Variants in LRTM3 observed in about 807,000 individuals in gnomAD.
The protein encoded by LRTM3 is leucine-rich repeat transmembrane protein 3.
chr13:102,738,098 G>A, the LRTM3 span: 1 of 1,550,630 alleles, frequency 6.4e-7, no homozygotes, highest in Middle Eastern at 1.7e-4. Context: ...TTGCTCCTGA[G>A]CTTCTTGATC....
At chr13:102,734,894 T>C in the LRTM3 span, 3 of 1,551,126 alleles carry the variant, frequency 1.9e-6, no homozygotes, top group Non-Finnish European at 2.6e-6. Flanking sequence ...TTCCTTGTTC[T>C]GTGACACATG....
the LRTM3 span, chr13:102,737,719 A>G: frequency 6.5e-7 from 1 of 1,549,732 alleles, no homozygotes; most frequent in Non-Finnish European, 8.7e-7. Context: ...TTTGTACTTC[A>G]CTTGCGCTAT....
chr13:102,736,766 C>A, the LRTM3 span: 1 of 1,550,950 alleles, frequency 6.4e-7, no homozygotes, highest in Admixed American at 2.0e-5. Flanking sequence ...ATGCATTACA[C>A]TTTTCTCTGA....
At chr13:102,732,237 A>G in the LRTM3 span, 1 of 1,551,380 alleles carries the variant, frequency 6.4e-7, no homozygotes, top group East Asian at 2.4e-5. Context: ...GTGTGAGGTG[A>G]ACGCATGATG....
At chr13:102,754,457 AG>A in the LRTM3 span, among the ~76,000 whole-genome samples, 1 of 152,144 alleles carries the variant, frequency 6.6e-6, no homozygotes, top group South Asian at 2.1e-4. Flanking sequence ...CCTGACACAG[AG>A]TAGGCAATCA....
At chr13:102,733,365 A>G in the LRTM3 span, 2 of 1,551,316 alleles carry the variant, frequency 1.3e-6, no homozygotes, top group South Asian at 1.2e-5. Context: ...TCAAATTTAC[A>G]TGAACCTGCA....
chr13:102,739,856 T>C, the LRTM3 span: 1 of 1,550,114 alleles, frequency 6.5e-7, no homozygotes, highest in Non-Finnish European at 8.7e-7. Context: ...ACTCATTCTA[T>C]GTTTCACATT....
the LRTM3 span, chr13:102,730,716 G>T: frequency 6.4e-7 from 1 of 1,551,826 alleles, no homozygotes; most frequent in Non-Finnish European, 8.7e-7. Context: ...CTACCACTTT[G>T]TCCACCAGCA....
the LRTM3 span, chr13:102,729,804 T>C: frequency 6.4e-7 from 1 of 1,551,876 alleles, no homozygotes; most frequent in Non-Finnish European, 8.7e-7. Context: ...TTGCTGTGTG[T>C]ACAACTGTAA....
the LRTM3 span, chr13:102,748,073 TG>T: frequency 6.4e-7 from 1 of 1,551,200 alleles, no homozygotes; most frequent in Non-Finnish European, 8.7e-7. Flanking sequence ...TGATGCTGAA[TG>T]ACTGAGCCTT....
the LRTM3 span, chr13:102,732,990 C>A: frequency 4.7e-5 from 73 of 1,551,312 alleles, no homozygotes; most frequent in Non-Finnish European, 6.1e-5. Flanking sequence ...ATGAGCAATG[C>A]CTGCTTCCTT....
the LRTM3 span, chr13:102,749,401 T>A: frequency 6.4e-7 from 1 of 1,551,398 alleles, no homozygotes; most frequent in Non-Finnish European, 8.7e-7. Flanking sequence ...CTTCAGTGAC[T>A]AAATTTGGAT....
the LRTM3 span, chr13:102,735,286 C>T: frequency 6.4e-6 from 10 of 1,551,184 alleles, no homozygotes; most frequent in Non-Finnish European, 8.7e-6. Context: ...CTTTCTGTAG[C>T]AGGTGTGCTT....
the LRTM3 span, among the ~76,000 whole-genome samples, chr13:102,751,546 T>C: frequency 3.9e-5 from 6 of 152,180 alleles, no homozygotes; most frequent in South Asian, 2.1e-4. Context: ...CAGCTGATTC[T>C]GATACATGAT....
the LRTM3 span, among the ~76,000 whole-genome samples, chr13:102,751,340 TATACACACACACAC>T: frequency 8.7e-6 from 1 of 115,570 alleles, no homozygotes; most frequent in African/African-American, 3.3e-5. Context: ...TCTCTCTCTT[TATACACACACACAC>T]ACACACACAC....
chr13:102,750,007 A>T, the LRTM3 span: 1 of 1,550,218 alleles, frequency 6.5e-7, no homozygotes, highest in Middle Eastern at 1.7e-4. Context: ...AAGGTGCCAC[A>T]TCTAGATCTT....
At chr13:102,741,603 G>A in the LRTM3 span, 2 of 1,550,380 alleles carry the variant, frequency 1.3e-6, no homozygotes, top group African/African-American at 2.7e-5. Context: ...ATAGACCCCA[G>A]GTTTGTCATA....
chr13:102,735,147 C>G, the LRTM3 span: 1 of 1,551,314 alleles, frequency 6.4e-7, no homozygotes. Flanking sequence ...TCCTCTTGCT[C>G]TCTAGTTTTC....
chr13:102,733,270 T>G, the LRTM3 span: 1 of 1,551,410 alleles, frequency 6.4e-7, no homozygotes, highest in Non-Finnish European at 8.7e-7. Context: ...TTTTTTTGAG[T>G]GATCCCTTTG....
Sources: allele counts gnomAD v4.1 joint callset (sites outside exome capture counted in the v4.1 genomes callset), GRCh38; gene constraint gnomAD v4.1.1; transcripts MANE v1.5; gene names NCBI Gene and HGNC (gene_info 2026-07-23, HGNC 2026-07-21).